The following TCF4 variants were observed in gnomAD, a reference collection of about 807,000 sequenced individuals.
The protein encoded by TCF4 is SL3-3 enhancer factor 2.
A neutral mutation model predicts 82.1 loss-of-function variants in TCF4; 3 were observed. The ratio of observed to expected loss-of-function variants is 0.04; its 90% CI spans 0.02 to 0.09. The LOEUF is 0.09. Ranked by LOEUF, TCF4 falls within the 10% of genes least tolerant of loss-of-function variation. The pLI is 1.00. For synonymous variants in TCF4, 276 were observed against 309.6 expected, an observed-to-expected ratio of 0.89 and a Z score of 1.14; for missense variants, 518 against 852.7, an observed-to-expected ratio of 0.61 and a Z score of 4.89.
chr18:55,554,133 G>A (rs542662141), intron 3 of TCF4, among the ~76,000 whole-genome samples: 1 of 152,124 alleles, frequency 6.6e-6, no homozygotes, highest in African/African-American at 2.4e-5. Flanking sequence ...ATAGTATATT[G>A]AGATGACAGA....
intron 3 of TCF4, among the ~76,000 whole-genome samples, chr18:55,503,089 G>A (rs1191602001): frequency 6.6e-6 from 1 of 152,136 alleles, no homozygotes; most frequent in Non-Finnish European, 1.5e-5. Flanking sequence ...AGTTACTAGT[G>A]CAACATTAGT....
At chr18:55,494,051 C>T (rs2096603917) in intron 3 of TCF4, among the ~76,000 whole-genome samples, 1 of 151,912 alleles carries the variant, frequency 6.6e-6, no homozygotes, top group Non-Finnish European at 1.5e-5. Context: ...TTTGCATATA[C>T]TCCCCTACTT....
chr18:55,560,457 G>C (rs1308028841), intron 3 of TCF4, among the ~76,000 whole-genome samples: 1 of 152,166 alleles, frequency 6.6e-6, no homozygotes, highest in Non-Finnish European at 1.5e-5. Flanking sequence ...ATGGCAGGTA[G>C]GTCCTTTGAG....
At chr18:55,368,127 T>C (rs1224638118) in intron 6 of TCF4, among the ~76,000 whole-genome samples, 4 of 152,232 alleles carry the variant, frequency 2.6e-5, no homozygotes, top group African/African-American at 9.6e-5. Context: ...GGCTCATGCC[T>C]GTAATCCCAG....
In TCF4 at chr18:55,495,626, A is replaced by G. The variant is rs2096626465; in HGVS notation, c.146-31489T>C. On this transcript the variant is annotated intron_variant, in intron 3 of 19. Transcript: ENST00000354452. ...GACCAATGTTTTTAGGAACAACCAA[A>G]TCAGTTTTTGGAGATGTCACACTTT... The G allele has an allele frequency of 2.6e-5, 4 of 152,310 alleles. No homozygotes were observed. In the South Asian group the frequency reaches 6.2e-4, roughly 24 times the overall value. The allele number at this position is 152,310 out of a possible 1,614,324, so 9.4% of individuals were successfully genotyped here.
chr18:55,604,226 G>T (rs1332171516), intron 2 of TCF4, among the ~76,000 whole-genome samples: 2 of 150,544 alleles, frequency 1.3e-5, no homozygotes, highest in South Asian at 2.1e-4. Flanking sequence ...TCAGTTTTTT[G>T]TTTTTTTTTA....
At position 55,228,205 on chromosome 18, in the gene TCF4, C is replaced by T. The variant is rs2144361222; in HGVS notation, c.*4+16G>A. On this transcript the variant is annotated intron_variant, in intron 19 of 19. Transcript: ENST00000354452. ...TTTGAATGATCGATCTCAGAAATGGCTGAAAACAAACTTGCCCTTTTACAT... is the reference window on the plus strand; with the variant it reads ...TTTGAATGATCGATCTCAGAAATGGTTGAAAACAAACTTGCCCTTTTACAT... The T allele has an allele frequency of 1.2e-6, 2 of 1,614,078 alleles. No homozygotes were observed. Among genetic ancestry groups the T allele is most frequent in the Non-Finnish European group, 1.7e-6 (2 of 1,179,994 alleles).
chr18:55,598,976 A>G (rs772505395), intron 2 of TCF4, among the ~76,000 whole-genome samples: 2 of 152,206 alleles, frequency 1.3e-5, no homozygotes, highest in Admixed American at 6.5e-5. Context: ...CCTTGAAACT[A>G]AAGCCTCAGC....
chr18:55,268,449 T>C (rs1296090647), intron 11 of TCF4: 2 of 152,128 alleles, frequency 1.3e-5, no homozygotes, highest in East Asian at 1.9e-4. Context: ...AACTTCCCCA[T>C]GTGACCTCTG....
rs1016959427 is a variant in TCF4 at position 55,257,355 on chromosome 18, G to T, written c.1106C>A (p.Ala369Asp). 5 of 1,613,630 alleles carry T rather than the reference G, an allele frequency of 3.1e-6. No homozygotes were observed. The highest frequency in any genetic ancestry group is 2.2e-5 in the East Asian group (1 of 44,872). Reference sequence around the variant, plus strand: ...TCCTTCATAATTAGGAGACGATGAGGCCTGTCCTCCATTTCTAGACCAAAC... The same window carrying T: ...TCCTTCATAATTAGGAGACGATGAGTCCTGTCCTCCATTTCTAGACCAAAC... ...TAVWSRNGGQ[A>D]SSSPNYEGPL... Residue 369 changes from alanine to aspartate, a missense_variant, in exon 14 of 20, where the codon GCC becomes GAC. Physicochemically the swap from Ala to Asp is moderately radical, Grantham distance 126. Around this residue, in one of 7 missense-constraint regions of TCF4, gnomAD observed 211 missense variants for 327.4 expected, o/e 0.64. Coordinates refer to ENST00000354452, the MANE Select transcript of TCF4 (RefSeq NM_001083962.2).
chr18:55,600,217 T>A (rs927291995), intron 2 of TCF4, among the ~76,000 whole-genome samples: 2 of 152,232 alleles, frequency 1.3e-5, no homozygotes, highest in Non-Finnish European at 2.9e-5. Flanking sequence ...CTTTTGAATA[T>A]GTACCTAGGA....
At chr18:55,276,189 T>TA (rs1023210995) in intron 9 of TCF4, among the ~76,000 whole-genome samples, 2 of 152,182 alleles carry the variant, frequency 1.3e-5, no homozygotes, top group African/African-American at 4.8e-5. Flanking sequence ...GTATTAATTT[T>TA]AAAAAATCTC....
intron 3 of TCF4, among the ~76,000 whole-genome samples, chr18:55,560,405 A>C (rs1185768460): frequency 6.6e-6 from 1 of 152,234 alleles, no homozygotes; most frequent in Non-Finnish European, 1.5e-5. Context: ...TTTAGGGCTC[A>C]GTGCTGTCAT....
chr18:55,465,671 A>T (rs985318648), intron 3 of TCF4, among the ~76,000 whole-genome samples: 5 of 152,204 alleles, frequency 3.3e-5, no homozygotes, highest in African/African-American at 7.2e-5. Context: ...CAAAGAAGCT[A>T]CTTACAACCC....
intron 3 of TCF4, among the ~76,000 whole-genome samples, chr18:55,507,150 A>C (rs922412909): frequency 1.3e-5 from 2 of 152,222 alleles, no homozygotes; most frequent in Non-Finnish European, 2.9e-5. Context: ...GGCATGAGCC[A>C]CCAGGCCTGG....
At chr18:55,622,905 T>TGTGTGTGTG in intron 2 of TCF4, among the ~76,000 whole-genome samples, 1 of 47,896 alleles carries the variant, frequency 2.1e-5, no homozygotes, top group Non-Finnish European at 4.2e-5. Context: ...GTGTGTGTGT[T>TGTGTGTGTG]GTGGAGATGG....
At chr18:55,434,618 G>A (rs573514355) in intron 5 of TCF4, among the ~76,000 whole-genome samples, 47 of 150,632 alleles carry the variant, frequency 3.1e-4, no homozygotes, top group African/African-American at 1.1e-3. Flanking sequence ...TAGTAGAGAC[G>A]GGGTTTCACC....
At chr18:55,452,345 G>A (rs548921023) in intron 5 of TCF4, among the ~76,000 whole-genome samples, 8 of 152,314 alleles carry the variant, frequency 5.3e-5, no homozygotes, top group African/African-American at 1.9e-4. Context: ...AGAAAATAGA[G>A]GGTTTTCTCC....
chr18:55,571,428 T>C (rs2097465912), intron 3 of TCF4, among the ~76,000 whole-genome samples: 2 of 152,130 alleles, frequency 1.3e-5, no homozygotes, highest in Admixed American at 6.6e-5. Flanking sequence ...GCAGGAAAGA[T>C]AGGGGAAGGT....
Sources: gnomAD v4.1 joint callset for allele counts (sites outside exome capture counted in the v4.1 genomes callset) on GRCh38, gnomAD v4.1.1 for gene constraint, gnomAD v4.1.1 regional missense constraint, MANE v1.5 for transcripts, NCBI Gene and HGNC (gene_info 2026-07-23, HGNC 2026-07-21) for gene names.